The following TTC12 variants were observed in gnomAD, a reference collection of about 807,000 sequenced individuals.
The protein encoded by TTC12 is tetratricopeptide repeat domain 12, also known as tetratricopeptide repeat protein 12.
A neutral mutation model predicts 90.1 loss-of-function variants in TTC12; 70 were observed. The ratio of observed to expected loss-of-function variants is 0.78; its 90% CI spans 0.64 to 0.95. The LOEUF (loss-of-function observed/expected upper bound fraction) is 0.95, where lower values mean the gene tolerates loss of function less well. TTC12 is among the 40% of genes least tolerant of loss of function. TTC12 has a pLI of 0.00. For synonymous variants in TTC12, 296 were observed against 311.5 expected (o/e 0.95, Z 0.53); for missense variants, 819 against 846.1 (o/e 0.97, Z 0.40).
chr11:113,349,938 G>A (rs1458979221), intron 13 of TTC12, 135 bp from the exon 14 acceptor site: 1 of 713,242 alleles, frequency 1.4e-6, no homozygotes, highest in Admixed American at 2.2e-5. Flanking sequence ...CTTCCTAGGA[G>A]GGCATGACAA....
chr11:113,318,548 T>C (rs782288282), intron 2 of TTC12, among the ~76,000 whole-genome samples: 1 of 152,238 alleles, frequency 6.6e-6, no homozygotes, highest in Non-Finnish European at 1.5e-5. Context: ...AGTTACTTCT[T>C]TAAAGGCCCT....
chr11:113,323,555 T>C (rs1947484157), intron 3 of TTC12, 104 bp downstream of exon 3: 2 of 722,802 alleles, frequency 2.8e-6, no homozygotes, highest in Non-Finnish European at 4.1e-6. Context: ...AAATGGTCTT[T>C]TGTTTCTTAG....
intron 1 of TTC12, among the ~76,000 whole-genome samples, chr11:113,315,518 C>T (rs535471768): frequency 1.3e-5 from 2 of 152,268 alleles, no homozygotes; most frequent in South Asian, 2.1e-4. Flanking sequence ...GGCAATGTCC[C>T]GGGTTTACTG....
chr11:113,358,974 A>C (rs1949771885), intron 16 of TTC12, among the ~76,000 whole-genome samples: 1 of 151,236 alleles, frequency 6.6e-6, no homozygotes, highest in Non-Finnish European at 1.5e-5. Context: ...CCCTTTGAAG[A>C]TCTATTAGGA....
chr11:113,352,079 C>T lies in TTC12; in HGVS notation c.1318C>T (p.Pro440Ser), dbSNP rs1409045911. The T allele has an allele frequency of 4.3e-6, 7 of 1,613,632 alleles. No individual in the cohort carries two copies. In the Admixed American group the frequency reaches 8.3e-5, roughly 19 times the overall value. ...CTCAATTCTCATTTAGAAGACAGAT[C>T]CCAAGGTAAGCAGCTCCTCGGCTCT... ...PALTGVLKTD[P>S]KVSSSSALCQ... Residue 440 changes from proline (P) to serine (S), a missense_variant, in exon 16 of 22, where the codon CCC becomes TCC. By Grantham distance (74) the Pro-to-Ser change is moderately conservative. Coordinates refer to ENST00000529221, the MANE Select transcript of TTC12 (RefSeq NM_017868.4).
chr11:113,335,103 G>A, intron 8 of TTC12, 66 bp downstream of exon 8: 1 of 1,176,158 alleles, frequency 8.5e-7, no homozygotes. Context: ...TTGTGCTAGA[G>A]GAGAACCATG....
chr11:113,360,835 G>A (rs1168108514), intron 18 of TTC12, among the ~76,000 whole-genome samples: 3 of 152,310 alleles, frequency 2.0e-5, no homozygotes, highest in African/African-American at 4.8e-5. Context: ...CTCTTTAAAC[G>A]TCCCCAAAGT....
intron 9 of TTC12, 49 bp from the exon 10 acceptor site, chr11:113,339,237 A>G: frequency 6.7e-7 from 1 of 1,490,370 alleles, no homozygotes; most frequent in South Asian, 1.3e-5. Flanking sequence ...CTTGTGTGGT[A>G]TTGTTGATTG....
chr11:113,315,953 C>G, intron 1 of TTC12: 1 of 238,838 alleles, frequency 4.2e-6, no homozygotes, highest in Non-Finnish European at 8.0e-6. Flanking sequence ...CATGCCAGGT[C>G]CCTAAATCGC....
chr11:113,368,391 C>T (rs1453330971), downstream of TTC12: 1 of 1,548,600 alleles, frequency 6.5e-7, no homozygotes, highest in Admixed American at 2.0e-5. Context: ...AATACCAGCG[C>T]CATCTTTCAG....
rs782398996 is a variant in TTC12, at chr11:113,339,392, C to G, written c.744C>G (p.Leu248=). The change falls in exon 10 of 22, where the codon CTC becomes CTG. Residue 248 remains leucine (L), a synonymous_variant. Transcript: ENST00000529221. ...ACACAGCCGTGACCACCAAGAACCT[C>G]CTGGAGACCCTTTCCAAGCCTGACC... is the stretch of plus-strand genomic sequence containing the variant. The part of the protein sequence containing the change: ...GKNTAVTTKN[L]LETLSKPDQI... The G allele has an allele frequency of 1.9e-6, 3 of 1,614,052 alleles. No individual in the cohort carries two copies. The East Asian group carries it at 6.7e-5, about 36-fold the overall frequency.
At chr11:113,337,112 A>G (rs1414522413) in intron 8 of TTC12, among the ~76,000 whole-genome samples, 3 of 152,232 alleles carry the variant, frequency 2.0e-5, no homozygotes, top group Admixed American at 1.3e-4. Flanking sequence ...AATAAAAGAA[A>G]TGTGAATAAA....
chr11:113,366,086 A>G, intron 21 of TTC12, 139 bp from the exon 22 acceptor site: 1 of 876,248 alleles, frequency 1.1e-6, no homozygotes, highest in Non-Finnish European at 1.8e-6. Context: ...CCCCAATGCC[A>G]CAGCCACTTC....
At chr11:113,338,328 A>G (rs1166703889) in intron 8 of TTC12, among the ~76,000 whole-genome samples, 3 of 152,144 alleles carry the variant, frequency 2.0e-5, no homozygotes, top group Non-Finnish European at 2.9e-5. Flanking sequence ...CGCAGCTTGT[A>G]CATTTAACTA....
rs781787735 is a variant in TTC12, at chr11:113,352,112, T to C, written c.1351T>C (p.Cys451Arg). The stretch of plus-strand genomic sequence containing the variant: ...AAGCAGCTCCTCGGCTCTGTGCCAG[T>C]GCATTGCCATCATGGGAAACCTCAG... Reference protein sequence around the residue: ...KVSSSSALCQCIAIMGNLSAE... With the variant: ...KVSSSSALCQRIAIMGNLSAE... The change falls in exon 16 of 22, where the codon TGC (cysteine) becomes CGC (arginine). Residue 451 changes from cysteine (C) to arginine (R), a missense_variant. By Grantham distance (180) the Cys-to-Arg change is radical. Transcript: ENST00000529221. 1 of 1,614,228 alleles carries C rather than the reference T, an allele frequency of 6.2e-7. No homozygotes were observed. Among genetic ancestry groups the C allele is most frequent in the Admixed American group, 1.7e-5 (1 of 60,024 alleles).
At chr11:113,334,447 C>G (rs1185432654) in intron 7 of TTC12, among the ~76,000 whole-genome samples, 2 of 128,838 alleles carry the variant, frequency 1.6e-5, no homozygotes, top group African/African-American at 2.5e-5. Context: ...GGAGGGACTT[C>G]CCAGGTCCAC....
chr11:113,318,935 A>T (rs908907931), intron 2 of TTC12, among the ~76,000 whole-genome samples: 1 of 152,184 alleles, frequency 6.6e-6, no homozygotes, highest in East Asian at 1.9e-4. Flanking sequence ...CAGTAAATCA[A>T]TTCCATCTAA....
chr11:113,344,618 G>A (rs915560223), intron 13 of TTC12, among the ~76,000 whole-genome samples, 178 bp downstream of exon 13: 3 of 152,326 alleles, frequency 2.0e-5, no homozygotes, highest in Non-Finnish European at 2.9e-5. Context: ...GTCCGAACTT[G>A]GTACCATGGA....
chr11:113,324,311 A>G (rs1024165629), intron 4 of TTC12: 45 of 541,842 alleles, frequency 8.3e-5, no homozygotes, highest in Non-Finnish European at 1.1e-4. Flanking sequence ...GAAGCTCATT[A>G]TGCTAAACGG....
Sources: gnomAD v4.1 joint callset for allele counts (sites outside exome capture counted in the v4.1 genomes callset) on GRCh38, gnomAD v4.1.1 for gene constraint, MANE v1.5 for transcripts, NCBI Gene and HGNC (gene_info 2026-07-23, HGNC 2026-07-21) for gene names.